The following CNOT4 variants were observed in gnomAD, a reference collection of about 807,000 sequenced individuals.
The protein encoded by CNOT4 is CCR4-associated factor 4.
A neutral mutation model predicts 73.8 loss-of-function variants in CNOT4; 8 were observed. The ratio of observed to expected loss-of-function variants is 0.11; its 90% CI spans 0.06 to 0.20. The LOEUF (loss-of-function observed/expected upper bound fraction) is 0.20, where lower values mean the gene tolerates loss of function less well. Among genes scored for constraint, CNOT4 ranks in the 10% least tolerant of loss-of-function variants. The pLI is 1.00. For missense variants in CNOT4, 564 were observed against 883.4 expected, an observed-to-expected ratio of 0.64 and a Z score of 4.58; for synonymous variants, 293 against 321.1, an observed-to-expected ratio of 0.91 and a Z score of 0.94.
intron 6 of CNOT4, among the ~76,000 whole-genome samples, chr7:135,411,308 T>C (rs1052593518): frequency 3.8e-4 from 58 of 152,088 alleles, no homozygotes; most frequent in African/African-American, 1.2e-3. Flanking sequence ...AACATGGTCA[T>C]GCCCATTCAT....
intron 1 of CNOT4, among the ~76,000 whole-genome samples, chr7:135,440,083 T>C (rs1799384783): frequency 6.6e-6 from 1 of 151,740 alleles, no homozygotes; most frequent in Non-Finnish European, 1.5e-5. Context: ...ACAATCAACT[T>C]AGCAACATGG....
intron 8 of CNOT4, among the ~76,000 whole-genome samples, chr7:135,396,646 T>G (rs1321921445): frequency 6.6e-6 from 1 of 152,182 alleles, no homozygotes; most frequent in Admixed American, 6.5e-5. Flanking sequence ...AAAAATAATT[T>G]TGTATAATAA....
intron 10 of CNOT4, among the ~76,000 whole-genome samples, chr7:135,376,253 C>T (rs1248646099): frequency 6.6e-6 from 1 of 152,168 alleles, no homozygotes; most frequent in Non-Finnish European, 1.5e-5. Flanking sequence ...ATCAATTTTC[C>T]TTCCACAAAC....
rs114621567 is a variant in CNOT4 at position 135,411,395 on chromosome 7, G to T, written c.688-747C>A. 5.4e-3 allele frequency among the ~76,000 whole-genome samples: 821 copies of T among 152,058 alleles called. 10 individuals are homozygous for T. Among genetic ancestry groups the T allele is most frequent in the African/African-American group, 0.019 (775 of 41,538 alleles). On this transcript the variant is annotated intron_variant, in intron 6 of 11. Coordinates refer to ENST00000541284, the MANE Select transcript of CNOT4 (RefSeq NM_001190850.2). ...GCAACAGAGGCAGAGTAAAGTAGTT[G>T]TGACAGAAGACTACATACATAGCTC...
chr7:135,449,483 TCA>T (rs1800035200), intron 1 of CNOT4, among the ~76,000 whole-genome samples: 1 of 152,164 alleles, frequency 6.6e-6, no homozygotes, highest in Admixed American at 6.5e-5. Context: ...CCAAATGTGA[TCA>T]ATAAGCCCAC....
chr7:135,483,541 C>A (rs1270925414), intron 1 of CNOT4, among the ~76,000 whole-genome samples: 2 of 151,516 alleles, frequency 1.3e-5, no homozygotes, highest in Admixed American at 1.3e-4. Flanking sequence ...AAACTCCAAG[C>A]AGGCCAGGTG....
At chr7:135,430,886 G>T (rs1250827369) in intron 2 of CNOT4, among the ~76,000 whole-genome samples, 2 of 152,094 alleles carry the variant, frequency 1.3e-5, no homozygotes, top group Non-Finnish European at 2.9e-5. Context: ...CTAAGATTGG[G>T]AACAAAGATA....
intron 2 of CNOT4, among the ~76,000 whole-genome samples, chr7:135,429,433 CTT>C (rs991635170): frequency 6.6e-6 from 1 of 152,168 alleles, no homozygotes; most frequent in Non-Finnish European, 1.5e-5. Context: ...CATGTTGACT[CTT>C]TTAGATGATT....
chr7:135,468,199 G>A (rs955364171), intron 1 of CNOT4, among the ~76,000 whole-genome samples: 2 of 151,738 alleles, frequency 1.3e-5, no homozygotes, highest in Non-Finnish European at 2.9e-5. Flanking sequence ...CTGGGCGACA[G>A]AGCGAGACTC....
intron 1 of CNOT4, among the ~76,000 whole-genome samples, chr7:135,505,516 C>T (rs10251162): frequency 0.072 from 11,031 of 152,204 alleles, 472 homozygotes; most frequent in Middle Eastern, 0.12. Context: ...CGTGCAGCTA[C>T]ACTCCAGCCT....
At chr7:135,431,838 T>C (rs1798867920) in intron 2 of CNOT4, among the ~76,000 whole-genome samples, 1 of 151,890 alleles carries the variant, frequency 6.6e-6, no homozygotes, top group Admixed American at 6.6e-5. Flanking sequence ...TACTGAAAAC[T>C]ATAAAACATT....
intron 2 of CNOT4, among the ~76,000 whole-genome samples, chr7:135,424,248 T>G (rs1477951644): frequency 1.3e-5 from 2 of 152,178 alleles, no homozygotes; most frequent in Non-Finnish European, 1.5e-5. Context: ...CTTCTCCACT[T>G]ACTTTTCTGT....
intron 10 of CNOT4, among the ~76,000 whole-genome samples, chr7:135,375,020 G>A (rs961438248): frequency 6.6e-6 from 1 of 152,144 alleles, no homozygotes; most frequent in Non-Finnish European, 1.5e-5. Flanking sequence ...GGCAAATCAC[G>A]AATGATAACC....
Position 135,437,372 on chromosome 7 carries a change from G to C in CNOT4, c.174+786C>G, listed in dbSNP as rs149409620. On this transcript the variant is annotated intron_variant, in intron 2 of 11. Coordinates refer to ENST00000541284, the MANE Select transcript of CNOT4 (RefSeq NM_001190850.2). ...GCCTGCCTAATTTTTTGTATTTTTA[G>C]TAGAGACAGGGTTTCACTGTGTTAG... Among the ~76,000 whole-genome samples the C allele has an allele frequency of 2.1e-3, 322 of 152,204 alleles. 1 individual carries two copies. Among genetic ancestry groups the C allele is most frequent in the African/African-American group, 6.9e-3 (288 of 41,528 alleles).
intron 1 of CNOT4, among the ~76,000 whole-genome samples, chr7:135,492,187 A>G (rs1386883969): frequency 6.6e-6 from 1 of 152,182 alleles, no homozygotes; most frequent in Non-Finnish European, 1.5e-5. Context: ...TGAATGGACT[A>G]AGAAAATAGA....
At chr7:135,444,522 C>G in intron 1 of CNOT4, 6 of 1,093,138 alleles carry the variant, frequency 5.5e-6, no homozygotes, top group Non-Finnish European at 8.5e-6. Context: ...GCTGTGAACG[C>G]CAGTGGTCAG....
intron 1 of CNOT4, among the ~76,000 whole-genome samples, chr7:135,442,922 G>A (rs1799575699): frequency 6.6e-6 from 1 of 151,992 alleles, no homozygotes; most frequent in South Asian, 2.1e-4. Context: ...AGCCAAGTAT[G>A]GTGTTGTGTG....
At position 135,363,603 on chromosome 7, in the gene CNOT4, CAT is replaced by C. The variant is rs532371028; in HGVS notation, c.1840+249_1840+250del. ...TGTACTTTGAGGCCTACAAAATACA[CAT>C]GTTGCCAGATGTTAACACCTACTTA... is the stretch of plus-strand genomic sequence containing the variant. On this transcript the variant is annotated intron_variant, in intron 11 of 11. Coordinates refer to ENST00000541284, the MANE Select transcript of CNOT4 (RefSeq NM_001190850.2). This position sits in a 1 kb window ranked among gnomAD's most constrained non-coding sequence, Gnocchi z 4.3. Among the ~76,000 whole-genome samples, 14 of 152,310 alleles carry C rather than the reference CAT, an allele frequency of 9.2e-5. 1 individual carries two copies. The South Asian group carries it at 1.7e-3, about 18-fold the overall frequency.
intron 2 of CNOT4, among the ~76,000 whole-genome samples, chr7:135,429,304 A>G (rs1798685953): frequency 1.3e-5 from 2 of 151,628 alleles, no homozygotes; most frequent in Admixed American, 6.6e-5. Flanking sequence ...CCCTCCTTTC[A>G]TTGATATTTT....
Sources: allele counts gnomAD v4.1 joint callset (sites outside exome capture counted in the v4.1 genomes callset), GRCh38; gene constraint gnomAD v4.1.1; non-coding constraint Gnocchi (gnomAD v3.1); transcripts MANE v1.5; gene names NCBI Gene and HGNC (gene_info 2026-07-23, HGNC 2026-07-21).